SS18L2: variants seen among roughly 807,000 people sequenced by gnomAD.
SS18L2 encodes SS18-like protein 2.
In SS18L2, 8 loss-of-function variants were observed where a neutral mutation model predicts 10.3. The ratio of observed to expected loss-of-function variants is 0.78; its 90% confidence interval spans 0.46 to 1.41. The LOEUF is 1.41. SS18L2 is among the 40% of genes most tolerant of loss of function. SS18L2 has a pLI of 0.00. For missense variants in SS18L2, 100 were observed against 96.2 expected, an observed-to-expected ratio of 1.04 and a Z score of -0.17; for synonymous variants, 41 against 34.6, an observed-to-expected ratio of 1.19 and a Z score of -0.65.
At chr3:42,583,793 T>C (rs1010167568) in intron 1 of SS18L2, among the ~76,000 whole-genome samples, 1 of 152,202 alleles carries the variant, frequency 6.6e-6, no homozygotes, top group African/African-American at 2.4e-5. Flanking sequence ...TCTTCTGCCC[T>C]TGGCATCAGA....
chr3:42,584,983 G>A (rs532854277), intron 1 of SS18L2, among the ~76,000 whole-genome samples: 1 of 152,100 alleles, frequency 6.6e-6, no homozygotes, highest in African/African-American at 2.4e-5. Context: ...ACAAAAATTA[G>A]CCGGGCGTGA....
rs1704962415 is a variant in SS18L2 at position 42,594,303 on chromosome 3, A to G, written c.147-119A>G. 4.2e-6 allele frequency: 3 copies of G among 717,566 alleles called. No homozygotes were observed. The Admixed American group carries it at 6.4e-5, about 15-fold the overall frequency. The allele number at this position is 717,566 out of a possible 1,614,324, so 44.4% of individuals were successfully genotyped here. ...TATGTTAAACAAGAAGGTTGATAACACTGAATCATCCAGTCAGTGGATGAG... is the reference window on the plus strand; with the variant it reads ...TATGTTAAACAAGAAGGTTGATAACGCTGAATCATCCAGTCAGTGGATGAG... On this transcript the variant is annotated intron_variant, in intron 2 of 2. Transcript: ENST00000011691.
At chr3:42,582,580 G>C (rs1290847255) in intron 1 of SS18L2, among the ~76,000 whole-genome samples, 2 of 152,236 alleles carry the variant, frequency 1.3e-5, no homozygotes, top group Admixed American at 6.5e-5. Flanking sequence ...AGGGGTTGTG[G>C]ACAAAGCGAG....
intron 1 of SS18L2, among the ~76,000 whole-genome samples, chr3:42,585,624 A>G (rs1354532593): frequency 6.6e-6 from 1 of 152,100 alleles, no homozygotes; most frequent in Admixed American, 6.5e-5. Flanking sequence ...CACCTCCATC[A>G]CATTCTTCCC....
Position 42,595,940 on chromosome 3 carries a change from A to T in SS18L2, c.*1431A>T, listed in dbSNP as rs942150404. 6.6e-6 allele frequency among the ~76,000 whole-genome samples: 1 copy of T among 152,202 alleles called. No individual in the cohort carries two copies. Among genetic ancestry groups the T allele is most frequent in the Non-Finnish European group, 1.5e-5 (1 of 68,034 alleles). ...GATAACGTGGTTGAGAACTGGGCACATGTTAATCTATGTTAGCACTAATGT... is the reference window on the plus strand; with the variant it reads ...GATAACGTGGTTGAGAACTGGGCACTTGTTAATCTATGTTAGCACTAATGT... On this transcript the variant is annotated 3_prime_UTR_variant, in exon 3 of 3. Transcript: ENST00000011691.
intron 2 of SS18L2, 42 bp downstream of exon 2, chr3:42,591,643 G>C: frequency 7.3e-7 from 1 of 1,369,676 alleles, no homozygotes; most frequent in Non-Finnish European, 1.0e-6. Flanking sequence ...GTGGGTAGAG[G>C]GGAAGCCTGT....
rs375768829 is a variant in SS18L2, at chr3:42,590,901, T to A, written c.4T>A (p.Ser2Thr). The A allele has an allele frequency of 1.4e-6, 2 of 1,422,256 alleles. No homozygotes were observed. The highest frequency in any genetic ancestry group is 9.4e-7 in the Non-Finnish European group (1 of 1,059,784). The allele number at this position is 1,422,256 out of a possible 1,614,324, so 88.1% of individuals were successfully genotyped here. A position where few individuals can be genotyped will look rare whatever the true frequency, so the allele number is the denominator to read the frequency against. Reference sequence around the variant, plus strand: ...GTGGTTCCGGAGGTTCCTCGGGATGTCGGTGGCCTTCGTACCGGACTGGCT... The same window carrying A: ...GTGGTTCCGGAGGTTCCTCGGGATGACGGTGGCCTTCGTACCGGACTGGCT... M[S>T]VAFVPDWLRG... Residue 2 changes from serine (S) to threonine (T), a missense_variant, in exon 1 of 3, where the codon TCG (serine) becomes ACG (threonine). Transcript: ENST00000011691.
intron 1 of SS18L2, chr3:42,582,298 T>C (rs1704437069): frequency 6.6e-6 from 1 of 152,250 alleles, no homozygotes; most frequent in South Asian, 2.1e-4. Context: ...GACTGACGTC[T>C]GGAGGCGGGG....
At chr3:42,589,858 A>G (rs1187433181), upstream of SS18L2, among the ~76,000 whole-genome samples, 1 of 152,190 alleles carries the variant, frequency 6.6e-6, no homozygotes, top group Non-Finnish European at 1.5e-5. Flanking sequence ...ATTCAGTTGC[A>G]GTGGTCACCA....
In SS18L2 at chr3:42,594,498, G is replaced by C; in HGVS notation, c.223G>C (p.Ala75Pro). ...ADASPTSTSK[A>P]ME ...TGCCAGTCCAACCAGCACTTCAAAAGCAATGGAATAATCTTTCAAAAGCAA... is the reference window on the plus strand; with the variant it reads ...TGCCAGTCCAACCAGCACTTCAAAACCAATGGAATAATCTTTCAAAAGCAA... Residue 75 changes from alanine (A) to proline (P), a missense_variant, in exon 3 of 3, where the codon GCA becomes CCA. Transcript: ENST00000011691. 1 of 1,613,364 alleles carries C rather than the reference G, an allele frequency of 6.2e-7. No homozygotes were observed. Among genetic ancestry groups the C allele is most frequent in the Non-Finnish European group, 8.5e-7 (1 of 1,179,422 alleles).
At position 42,590,970 on chromosome 3, in the gene SS18L2, A is replaced by G. The variant is rs775368887; in HGVS notation, c.69+4A>G. The G allele has an allele frequency of 9.8e-5, 47 of 480,734 alleles. No homozygotes were observed. The highest frequency in any genetic ancestry group is 8.6e-4 in the Admixed American group (39 of 45,136). The allele number at this position is 480,734 out of a possible 1,614,324, so 29.8% of individuals were successfully genotyped here. On this transcript the variant is annotated splice_donor_region_variant and intron_variant, in intron 1 of 2. Transcript: ENST00000011691. ...CAATCAAGAGACTATCCAGCGGGTGAGCATCCACGCGGGCGGGCGGGCGGG... is the reference window on the plus strand; with the variant it reads ...CAATCAAGAGACTATCCAGCGGGTGGGCATCCACGCGGGCGGGCGGGCGGG...
At chr3:42,593,508 G>A (rs559667386) in intron 2 of SS18L2, among the ~76,000 whole-genome samples, 3 of 152,210 alleles carry the variant, frequency 2.0e-5, no homozygotes, top group South Asian at 2.1e-4. Flanking sequence ...ACTTGAGCTC[G>A]AGCATCCTCA....
At chr3:42,583,703 T>C (rs1704510456) in intron 1 of SS18L2, among the ~76,000 whole-genome samples, 1 of 152,168 alleles carries the variant, frequency 6.6e-6, no homozygotes, top group Admixed American at 6.5e-5. Flanking sequence ...TCTGTCCTCA[T>C]CTAATATGCG....
chr3:42,585,466 A>G (rs1704579603), intron 1 of SS18L2, among the ~76,000 whole-genome samples: 1 of 152,190 alleles, frequency 6.6e-6, no homozygotes. Flanking sequence ...CTGATCTTTC[A>G]TCTGTCCTTC....
At position 42,596,108 on chromosome 3, in the gene SS18L2, AC is replaced by A. The variant is rs1435760254; in HGVS notation, c.*1601del. On this transcript the variant is annotated 3_prime_UTR_variant, in exon 3 of 3. Coordinates refer to ENST00000011691, the MANE Select transcript of SS18L2 (RefSeq NM_001370300.1). ...GCAATTTTGGCTCACTGCAACCTCTACCTCCTGGGTTCAAGTGATTCTCCTG... is the reference window on the plus strand; with the variant it reads ...GCAATTTTGGCTCACTGCAACCTCTACTCCTGGGTTCAAGTGATTCTCCTG... Among the ~76,000 whole-genome samples, 2 of 150,748 alleles carry A rather than the reference AC, an allele frequency of 1.3e-5. No homozygotes were observed. Among genetic ancestry groups the A allele is most frequent in the Non-Finnish European group, 3.0e-5 (2 of 67,770 alleles).
Position 42,594,587 on chromosome 3 carries a change from G to T in SS18L2, c.*78G>T. The T allele has an allele frequency of 7.9e-7, 1 of 1,269,010 alleles. No homozygotes were observed. The allele number at this position is 1,269,010 out of a possible 1,614,324, so 78.6% of individuals were successfully genotyped here. On this transcript the variant is annotated 3_prime_UTR_variant, in exon 3 of 3. Transcript: ENST00000011691. ...GAATGTAATCCATCTCTTACAAAAT[G>T]GAGACAGGGTCTTTACCAACTCAAC...
upstream of SS18L2, among the ~76,000 whole-genome samples, chr3:42,587,099 C>G (rs1346493386): frequency 1.3e-5 from 2 of 152,226 alleles, no homozygotes; most frequent in Non-Finnish European, 1.5e-5. Context: ...CTCTGGCCTG[C>G]ATGCTTGTAG....
chr3:42,589,794 C>A (rs1232083203), upstream of SS18L2, among the ~76,000 whole-genome samples: 1 of 152,184 alleles, frequency 6.6e-6, no homozygotes, highest in Non-Finnish European at 1.5e-5. Flanking sequence ...TTCCACGAAA[C>A]CAATTCCTGG....
At chr3:42,582,345 A>C (rs1198379480) in intron 1 of SS18L2, 1 of 152,310 alleles carries the variant, frequency 6.6e-6, no homozygotes, top group African/African-American at 2.4e-5. Flanking sequence ...CCCGGGGCGT[A>C]TGTTCTGCGG....
Sources: gnomAD v4.1 joint callset for allele counts (sites outside exome capture counted in the v4.1 genomes callset) on GRCh38, gnomAD v4.1.1 for gene constraint, MANE v1.5 for transcripts, NCBI Gene and HGNC (gene_info 2026-07-23, HGNC 2026-07-21) for gene names.